The following ATXN7L1 variants were observed in gnomAD, a reference collection of about 807,000 sequenced individuals.
ATXN7L1 encodes ataxin-7-like protein 1.
Under a neutral mutation model 70.8 loss-of-function variants are expected in ATXN7L1, and 15 were observed. The ratio of observed to expected loss-of-function variants is 0.21; its 90% confidence interval spans 0.14 to 0.33. The LOEUF is 0.33. Ranked by LOEUF, ATXN7L1 falls within the 10% of genes least tolerant of loss-of-function variation. ATXN7L1 has a pLI of 1.00. For missense variants in ATXN7L1, 975 were observed against 1,097.1 expected (o/e 0.89, Z 1.57); for synonymous variants, 440 against 445.1 (o/e 0.99, Z 0.14).
At position 105,733,541 on chromosome 7, in the gene ATXN7L1, C is replaced by A. The variant is rs200778073; in HGVS notation, c.355+55063G>T. ...ACCCATCCATCCATCCATCCATCCA[C>A]CCATCCATCCATCCACCCATCCATC... On this transcript the variant is annotated intron_variant, in intron 3 of 11. Coordinates refer to ENST00000419735, the MANE Select transcript of ATXN7L1 (RefSeq NM_020725.2). Among the ~76,000 whole-genome samples the A allele has an allele frequency of 7.4e-3, 158 of 21,396 alleles. 7 individuals are homozygous for A. The highest frequency in any genetic ancestry group is 0.025 in the African/African-American group (141 of 5,646). 14.0% of individuals were successfully genotyped at this position (21,396 alleles called of 152,430 possible).
At chr7:105,851,379 G>T (rs1049045951) in intron 2 of ATXN7L1, among the ~76,000 whole-genome samples, 4 of 152,194 alleles carry the variant, frequency 2.6e-5, no homozygotes, top group African/African-American at 9.7e-5. Flanking sequence ...TATACGCAGA[G>T]ATGGGACTGA....
intron 8 of ATXN7L1, among the ~76,000 whole-genome samples, chr7:105,622,725 G>T (rs1415009264): frequency 6.6e-6 from 1 of 152,192 alleles, no homozygotes; most frequent in Non-Finnish European, 1.5e-5. Flanking sequence ...CCCATTTCTG[G>T]TAGATATAAG....
At chr7:105,631,045 AAAG>A (rs1424594727) in intron 7 of ATXN7L1, among the ~76,000 whole-genome samples, 4 of 152,270 alleles carry the variant, frequency 2.6e-5, no homozygotes, top group Non-Finnish European at 5.9e-5. Flanking sequence ...GGGTGGAATA[AAAG>A]AAGGGCTGTG....
intron 3 of ATXN7L1, among the ~76,000 whole-genome samples, chr7:105,670,036 G>A (rs1159394483): frequency 6.6e-6 from 1 of 152,136 alleles, no homozygotes; most frequent in Admixed American, 6.5e-5. Flanking sequence ...TGATGTCCCA[G>A]GTAGGGCAGA....
chr7:105,798,312 T>C (rs545742212), intron 2 of ATXN7L1, among the ~76,000 whole-genome samples: 1 of 152,338 alleles, frequency 6.6e-6, no homozygotes, highest in South Asian at 2.1e-4. Flanking sequence ...TGGGTGTTTT[T>C]TGGATGCTCT....
Position 105,848,231 on chromosome 7 carries a change from T to C in ATXN7L1, c.250+27581A>G, listed in dbSNP as rs370501848. On this transcript the variant is annotated intron_variant, in intron 2 of 11. Transcript: ENST00000419735. ...AAATCATCAAATATCTGACAATCTTTGGTGAGATATTGGCCAGAGTTGGGA... is the reference window on the plus strand; with the variant it reads ...AAATCATCAAATATCTGACAATCTTCGGTGAGATATTGGCCAGAGTTGGGA... Among the ~76,000 whole-genome samples, 18 of 152,336 alleles carry C rather than the reference T, an allele frequency of 1.2e-4. 1 individual carries two copies. The East Asian group carries it at 2.9e-3, about 24-fold the overall frequency.
At chr7:105,627,250 T>G (rs1795834172) in intron 7 of ATXN7L1, among the ~76,000 whole-genome samples, 1 of 152,174 alleles carries the variant, frequency 6.6e-6, no homozygotes, top group Admixed American at 6.6e-5. Flanking sequence ...TTTTTAATTT[T>G]TAGAGATAGG....
At chr7:105,759,176 T>C (rs1356526944) in intron 3 of ATXN7L1, among the ~76,000 whole-genome samples, 165 of 119,676 alleles carry the variant, frequency 1.4e-3, no homozygotes, top group African/African-American at 5.2e-3. Flanking sequence ...TTTTTTTTTT[T>C]AATCCAGGTA....
At chr7:105,812,876 C>A (rs965618356) in intron 2 of ATXN7L1, among the ~76,000 whole-genome samples, 1 of 152,188 alleles carries the variant, frequency 6.6e-6, no homozygotes, top group African/African-American at 2.4e-5. Context: ...GTGGCACACA[C>A]CTGTGGTCCT....
intron 2 of ATXN7L1, among the ~76,000 whole-genome samples, chr7:105,811,010 T>A (rs1028886452): frequency 6.6e-6 from 1 of 152,204 alleles, no homozygotes; most frequent in Non-Finnish European, 1.5e-5. Flanking sequence ...GAAGTGGCTA[T>A]CAGCTAACCT....
chr7:105,873,822 T>G (rs1818627172), intron 2 of ATXN7L1, among the ~76,000 whole-genome samples: 1 of 152,156 alleles, frequency 6.6e-6, no homozygotes, highest in Non-Finnish European at 1.5e-5. Flanking sequence ...GCTTTTCATT[T>G]TTTCTTAAAA....
At chr7:105,638,298 C>T in intron 7 of ATXN7L1, 55 bp downstream of exon 7, 1 of 1,509,052 alleles carries the variant, frequency 6.6e-7, no homozygotes, top group Non-Finnish European at 8.9e-7. Context: ...ACAGACCCAG[C>T]AAGCTAGTCA....
At chr7:105,680,540 G>C (rs965736072) in intron 3 of ATXN7L1, among the ~76,000 whole-genome samples, 1 of 152,166 alleles carries the variant, frequency 6.6e-6, no homozygotes, top group African/African-American at 2.4e-5. Context: ...TGTAGTAGGG[G>C]GGTGTTGAGG....
At position 105,607,107 on chromosome 7, in the gene ATXN7L1, C is replaced by G. The variant is rs1037895779; in HGVS notation, c.*745G>C. The G allele has an allele frequency of 6.5e-6, 1 of 152,938 alleles. No individual in the cohort carries two copies. Among genetic ancestry groups the G allele is most frequent in the Admixed American group, 6.5e-5 (1 of 15,286 alleles). The allele number at this position is 152,938 out of a possible 1,614,324, so 9.5% of individuals were successfully genotyped here. ...ACCATGCTCTGCTTGCTGCCACCTT[C>G]CCAAACCTGTTCTGGCCCCTGTCCC... is the stretch of plus-strand genomic sequence containing the variant. On this transcript the variant is annotated 3_prime_UTR_variant, in exon 12 of 12. Coordinates refer to ENST00000419735, the MANE Select transcript of ATXN7L1 (RefSeq NM_020725.2).
chr7:105,868,663 C>T (rs558666592), intron 2 of ATXN7L1, among the ~76,000 whole-genome samples: 2 of 151,390 alleles, frequency 1.3e-5, no homozygotes, highest in African/African-American at 4.8e-5. Flanking sequence ...GAAGAATACA[C>T]AAGCAACTGG....
chr7:105,787,066 G>GGCT (rs66865097), intron 3 of ATXN7L1, among the ~76,000 whole-genome samples: 95,298 of 151,542 alleles, frequency 0.63, 32,099 homozygotes, highest in African/African-American at 0.89. Context: ...GGTGGTACCA[G>GGCT]CTGACAGTTT....
intron 2 of ATXN7L1, among the ~76,000 whole-genome samples, chr7:105,826,135 G>C (rs923631701): frequency 6.6e-6 from 1 of 152,236 alleles, no homozygotes; most frequent in African/African-American, 2.4e-5. Context: ...GACAGGACTA[G>C]CAGTGGGTAG....
At chr7:105,648,961 G>A (rs986929702) in intron 4 of ATXN7L1, among the ~76,000 whole-genome samples, 4 of 140,506 alleles carry the variant, frequency 2.8e-5, no homozygotes, top group Admixed American at 1.3e-4. Flanking sequence ...GGGGTGGTGA[G>A]TTGGCAATAG....
intron 3 of ATXN7L1, among the ~76,000 whole-genome samples, chr7:105,775,522 T>C (rs1049230425): frequency 2.6e-5 from 4 of 152,164 alleles, no homozygotes; most frequent in Admixed American, 6.5e-5. Flanking sequence ...TTGAGAATAC[T>C]CCGAGGGCCT....
Sources: gnomAD v4.1 joint callset for allele counts (sites outside exome capture counted in the v4.1 genomes callset) on GRCh38, gnomAD v4.1.1 for gene constraint, MANE v1.5 for transcripts, NCBI Gene and HGNC (gene_info 2026-07-23, HGNC 2026-07-21) for gene names.